RAB11FIP4: variants seen among roughly 807,000 people sequenced by gnomAD.
RAB11FIP4 encodes rab11 family-interacting protein 4.
In RAB11FIP4, 23 loss-of-function variants were observed where a neutral mutation model predicts 74.3. The observed-to-expected ratio is 0.31, with a 90% CI of 0.22 to 0.44. The LOEUF is 0.44. Ranked by LOEUF, RAB11FIP4 falls within the 20% of genes least tolerant of loss-of-function variation. RAB11FIP4 has a pLI of 1.00. For missense variants in RAB11FIP4, 630 were observed against 863.9 expected, an observed-to-expected ratio of 0.73 and a Z score of 3.39; for synonymous variants, 360 against 359.9, an observed-to-expected ratio of 1.00 and a Z score of 0.00.
intron 3 of RAB11FIP4, among the ~76,000 whole-genome samples, chr17:31,468,366 G>A (rs773474296): frequency 1.1e-4 from 16 of 152,158 alleles, no homozygotes; most frequent in Non-Finnish European, 1.9e-4. Context: ...AGAGTGGAGA[G>A]GGCTTTGGTC....
intron 3 of RAB11FIP4, among the ~76,000 whole-genome samples, chr17:31,462,833 G>A (rs1233603131): frequency 2.0e-5 from 3 of 152,114 alleles, no homozygotes; most frequent in Admixed American, 6.5e-5. Flanking sequence ...ACGGAGTTTC[G>A]CCATGTTGGT....
At chr17:31,416,612 T>G (rs2071150679) in intron 1 of RAB11FIP4, among the ~76,000 whole-genome samples, 1 of 151,188 alleles carries the variant, frequency 6.6e-6, no homozygotes, top group Non-Finnish European at 1.5e-5. Flanking sequence ...CTGCTGGGAG[T>G]GAGGATAAAC....
At chr17:31,500,812 C>T (rs2072204374) in intron 3 of RAB11FIP4, among the ~76,000 whole-genome samples, 1 of 152,126 alleles carries the variant, frequency 6.6e-6, no homozygotes. Context: ...ATCACGAGGT[C>T]AAGAGATCGA....
intron 1 of RAB11FIP4, among the ~76,000 whole-genome samples, chr17:31,414,077 C>T (rs1227947535): frequency 6.6e-6 from 1 of 152,186 alleles, no homozygotes; most frequent in African/African-American, 2.4e-5. Context: ...CATCCCCTCT[C>T]AGTCCTAACA....
chr17:31,445,538 A>T (rs1359242081), intron 3 of RAB11FIP4, among the ~76,000 whole-genome samples: 8 of 11,226 alleles, frequency 7.1e-4, no homozygotes, highest in African/African-American at 3.1e-3. Context: ...AATTTTATAT[A>T]TATATATATA....
intron 4 of RAB11FIP4, among the ~76,000 whole-genome samples, chr17:31,519,266 G>A (rs983775250): frequency 6.6e-6 from 1 of 151,846 alleles, no homozygotes; most frequent in Non-Finnish European, 1.5e-5. Flanking sequence ...CACCTGCCTC[G>A]GCCTCCCAAA....
At chr17:31,395,086 T>G (rs768693318) in intron 1 of RAB11FIP4, among the ~76,000 whole-genome samples, 2 of 152,154 alleles carry the variant, frequency 1.3e-5, no homozygotes, top group Admixed American at 6.5e-5. Flanking sequence ...TTCAGTGAAC[T>G]TAGAGCTGAT....
chr17:31,522,402 C>T lies in RAB11FIP4; in HGVS notation c.929+7C>T. On this transcript the variant is annotated splice_region_variant and intron_variant, in intron 7 of 14. Coordinates refer to ENST00000621161, the MANE Select transcript of RAB11FIP4 (RefSeq NM_032932.6). ...CCAGCACGGCCTTTGGACGGTAAGGCCCGCCTCGAGGGAGGGCAAATTGAG... is the reference window on the plus strand; with the variant it reads ...CCAGCACGGCCTTTGGACGGTAAGGTCCGCCTCGAGGGAGGGCAAATTGAG... 6.2e-7 allele frequency: 1 copy of T among 1,613,512 alleles called. No homozygotes were observed.
chr17:31,459,482 T>TTTATTA lies in RAB11FIP4; in HGVS notation c.336+25378_336+25383dup, dbSNP rs3058664. On this transcript the variant is annotated intron_variant, in intron 3 of 14. Transcript: ENST00000621161. Reference sequence around the variant, plus strand: ...ACACATCCTCAGTTCCGGTGAGCGTTTTATTATTATTATTATTATTATTTA... The same window carrying TTTATTA: ...ACACATCCTCAGTTCCGGTGAGCGTTTTATTATTATTATTATTATTATTATTATTTA... 3.8e-3 allele frequency among the ~76,000 whole-genome samples: 580 copies of TTTATTA among 151,118 alleles called. 2 individuals are homozygous for TTTATTA. Among genetic ancestry groups the TTTATTA allele is most frequent in the African/African-American group, 1.0e-2 (412 of 41,226 alleles).
rs1306533494 is a variant in RAB11FIP4, at chr17:31,531,734, G to T, written c.*2G>T. On this transcript the variant is annotated 3_prime_UTR_variant, in exon 15 of 15. Transcript: ENST00000621161. Reference sequence around the variant, plus strand: ...TCCATCCTCGAGATCAAACACTAAGGCACGGGGCTGGCTGCAGAGCAGCCT... The same window carrying T: ...TCCATCCTCGAGATCAAACACTAAGTCACGGGGCTGGCTGCAGAGCAGCCT... The T allele has an allele frequency of 1.9e-6, 3 of 1,598,974 alleles. No individual in the cohort carries two copies. The highest frequency in any genetic ancestry group is 8.6e-7 in the Non-Finnish European group (1 of 1,166,190).
At chr17:31,452,530 G>A (rs16972255) in intron 3 of RAB11FIP4, among the ~76,000 whole-genome samples, 4,798 of 152,258 alleles carry the variant, frequency 0.032, 249 homozygotes, top group African/African-American at 0.1. Flanking sequence ...CTGGGTCTGC[G>A]TTCCTAGCCT....
Position 31,531,864 on chromosome 17 carries a change from C to T in RAB11FIP4, c.*132C>T, listed in dbSNP as rs144511961. On this transcript the variant is annotated 3_prime_UTR_variant, in exon 15 of 15. Transcript: ENST00000621161. The stretch of plus-strand genomic sequence containing the variant: ...CTCTGGCCACCATGCGTTACGTGTA[C>T]CCGTGTATATGTGGGGAGGCTGTGC... 6.2e-4 allele frequency: 427 copies of T among 686,492 alleles called. No homozygotes were observed. Among genetic ancestry groups the T allele is most frequent in the Non-Finnish European group, 1.0e-3 (391 of 386,284 alleles). The allele number at this position is 686,492 out of a possible 1,614,324, so 42.5% of individuals were successfully genotyped here.
intron 3 of RAB11FIP4, among the ~76,000 whole-genome samples, chr17:31,469,267 G>T (rs547240018): frequency 6.6e-6 from 1 of 152,232 alleles, no homozygotes; most frequent in East Asian, 1.9e-4. Flanking sequence ...TTTCGGTCTG[G>T]GAGGGGTAAT....
At chr17:31,482,991 G>C (rs1277663714) in intron 3 of RAB11FIP4, among the ~76,000 whole-genome samples, 1 of 151,886 alleles carries the variant, frequency 6.6e-6, no homozygotes, top group African/African-American at 2.4e-5. Context: ...TCAGGAGTTC[G>C]AGGCTATCCT....
intron 3 of RAB11FIP4, among the ~76,000 whole-genome samples, chr17:31,503,831 C>G (rs992885623): frequency 6.7e-6 from 1 of 149,560 alleles, no homozygotes; most frequent in Non-Finnish European, 1.5e-5. Flanking sequence ...TTTTCATATT[C>G]TTTTAAGTAG....
In RAB11FIP4 at chr17:31,523,499, C is replaced by T. The variant is rs746212613; in HGVS notation, c.930-13C>T. 6.2e-7 allele frequency: 1 copy of T among 1,612,040 alleles called. No individual in the cohort carries two copies. The highest frequency in any genetic ancestry group is 2.2e-5 in the East Asian group (1 of 44,868). ...GGCCCCTGCAGCCAGACACCCTCCT[C>T]CCACCCCTGCAGGCAGCTCATGCAC... On this transcript the variant is annotated splice_polypyrimidine_tract_variant and intron_variant, in intron 7 of 14. Transcript: ENST00000621161.
chr17:31,488,453 TC>T, intron 3 of RAB11FIP4: 1 of 628,584 alleles, frequency 1.6e-6, no homozygotes, highest in Non-Finnish European at 2.0e-6. Flanking sequence ...GGCGGCTCCT[TC>T]CCCAGCGCAG....
chr17:31,434,830 G>A (rs1597915034), intron 3 of RAB11FIP4, among the ~76,000 whole-genome samples: 1 of 152,234 alleles, frequency 6.6e-6, no homozygotes, highest in South Asian at 2.1e-4. Context: ...CTTCGCTTAG[G>A]GGCGCTGCCT....
At chr17:31,430,364 T>C (rs2071297064) in intron 1 of RAB11FIP4, among the ~76,000 whole-genome samples, 1 of 148,056 alleles carries the variant, frequency 6.8e-6, no homozygotes, top group Admixed American at 6.7e-5. Context: ...TTTTTTTTTT[T>C]TTTTTTTTTT....
Sources: allele counts gnomAD v4.1 joint callset (sites outside exome capture counted in the v4.1 genomes callset), GRCh38; gene constraint gnomAD v4.1.1; transcripts MANE v1.5; gene names NCBI Gene and HGNC (gene_info 2026-07-23, HGNC 2026-07-21).